UMPS: variants seen among roughly 807,000 people sequenced by gnomAD.
UMPS encodes uridine 5'-monophosphate synthase.
In UMPS, 21 loss-of-function variants were observed where a neutral mutation model predicts 38.9. The ratio of observed to expected loss-of-function variants is 0.54; its 90% CI spans 0.38 to 0.78. UMPS has a LOEUF of 0.78. Ranked by LOEUF, UMPS falls within the 30% of genes least tolerant of loss-of-function variation. The pLI is 0.00. For synonymous variants in UMPS, 208 were observed against 219.3 expected (o/e 0.95, Z 0.45); for missense variants, 533 against 591.6 (o/e 0.90, Z 1.03).
rs1175040508 is a variant in UMPS at position 124,746,773 on chromosome 3, G to GTGTGTGTGTA, written c.*2698_*2699insATGTGTGTGT. The GTGTGTGTGTA allele has an allele frequency of 9.8e-6, 4 of 407,252 alleles. No individual in the cohort carries two copies. Among genetic ancestry groups the GTGTGTGTGTA allele is most frequent in the Non-Finnish European group, 2.0e-5 (4 of 204,924 alleles). 25.2% of individuals were successfully genotyped at this position (407,252 alleles called of 1,614,324 possible). A position where few individuals can be genotyped will look rare whatever the true frequency, so the allele number is the denominator to read the frequency against. ...CCATAGATTGTGTGTGTGTGTGTGT[G>GTGTGTGTGTA]TGTGTGTGTGTGTGTGTGTGTGTGC... On this transcript the variant is annotated 3_prime_UTR_variant, in exon 6 of 6. Transcript: ENST00000232607.
chr3:124,742,380 G>A, intron 5 of UMPS, 114 bp downstream of exon 5: 1 of 782,436 alleles, frequency 1.3e-6, no homozygotes, highest in Admixed American at 2.0e-5. Flanking sequence ...TCTTAGTCTA[G>A]AACAATAATG....
chr3:124,744,498 T>C lies in UMPS; in HGVS notation c.*414T>C, dbSNP rs1179446801. 2.2e-6 allele frequency: 1 copy of C among 454,132 alleles called. No individual in the cohort carries two copies. The highest frequency in any genetic ancestry group is 1.6e-5 in the South Asian group (1 of 64,494). 28.1% of individuals were successfully genotyped at this position (454,132 alleles called of 1,614,324 possible). On this transcript the variant is annotated 3_prime_UTR_variant, in exon 6 of 6. Transcript: ENST00000232607. ...GGTGAGATCACGGCTCATTGCAGCC[T>C]CGACCTCCCAGGTGATCCTCCCACC...
At position 124,743,337 on chromosome 3, in the gene UMPS, A is replaced by AAAAT. The variant is rs369579956; in HGVS notation, c.1274-564_1274-561dup. Among the ~76,000 whole-genome samples, 6 of 144,770 alleles carry AAAAT rather than the reference A, an allele frequency of 4.1e-5. No individual in the cohort carries two copies. In the South Asian group the frequency reaches 1.1e-3, roughly 27 times the overall value. 95.0% of individuals were successfully genotyped at this position (144,770 alleles called of 152,430 possible). A position where few individuals can be genotyped will look rare whatever the true frequency, so the allele number is the denominator to read the frequency against. On this transcript the variant is annotated intron_variant, in intron 5 of 5. Transcript: ENST00000232607. ...TGACAGAGCAAGACTCTGTCTCAAA[A>AAAAT]AAATAAATAAATAAATAGGGCGGGG...
rs1271460284 is a variant in UMPS at position 124,748,597 on chromosome 3, G to T, written c.*4513G>T. On this transcript the variant is annotated 3_prime_UTR_variant, in exon 6 of 6. Transcript: ENST00000232607. ...TCCTCAGAGTCAGATCCTGGTGTGG[G>T]CTCTCACGTGCTGCTGCTGAATCCC... The T allele has an allele frequency of 6.6e-6, 3 of 453,970 alleles. No individual in the cohort carries two copies. Among genetic ancestry groups the T allele is most frequent in the Non-Finnish European group, 1.3e-5 (3 of 226,788 alleles). 28.1% of individuals were successfully genotyped at this position (453,970 alleles called of 1,614,324 possible).
rs1415445506 is a variant in UMPS at position 124,745,139 on chromosome 3, A to G, written c.*1055A>G. 1 of 454,082 alleles carries G rather than the reference A, an allele frequency of 2.2e-6. No individual in the cohort carries two copies. The highest frequency in any genetic ancestry group is 2.0e-5 in the African/African-American group (1 of 50,098). 28.1% of individuals were successfully genotyped at this position (454,082 alleles called of 1,614,324 possible). A position where few individuals can be genotyped will look rare whatever the true frequency, so the allele number is the denominator to read the frequency against. On this transcript the variant is annotated 3_prime_UTR_variant, in exon 6 of 6. Transcript: ENST00000232607. ...ATCCCACATAATTGTCCCAACGGTC[A>G]TTAGTAGAGGGGAGGTAAGCCTTCA... is the stretch of plus-strand genomic sequence containing the variant.
chr3:124,748,545 T>C lies in UMPS; in HGVS notation c.*4461T>C. On this transcript the variant is annotated 3_prime_UTR_variant, in exon 6 of 6. Transcript: ENST00000232607. Reference sequence around the variant, plus strand: ...CTTTCCTTCCCACCAAGGGGGAAAGTCTTCCTCTAGACAAGAGGCAGAGGG... The same window carrying C: ...CTTTCCTTCCCACCAAGGGGGAAAGCCTTCCTCTAGACAAGAGGCAGAGGG... 2.2e-6 allele frequency: 1 copy of C among 454,102 alleles called. No individual in the cohort carries two copies. The highest frequency in any genetic ancestry group is 1.6e-5 in the South Asian group (1 of 64,468). The allele number at this position is 454,102 out of a possible 1,614,324, so 28.1% of individuals were successfully genotyped here.
intron 4 of UMPS, among the ~76,000 whole-genome samples, chr3:124,740,796 A>G (rs1344582744): frequency 6.6e-6 from 1 of 152,104 alleles, no homozygotes; most frequent in Non-Finnish European, 1.5e-5. Flanking sequence ...AAAATGAAAA[A>G]GAAAATAACC....
At chr3:124,731,563 G>A in intron 1 of UMPS, 1 of 421,494 alleles carries the variant, frequency 2.4e-6, no homozygotes, top group Admixed American at 2.6e-5. Flanking sequence ...ATAGCTCACT[G>A]CAGCCTGGAA....
At chr3:124,731,473 CTT>C (rs1265563779) in intron 1 of UMPS, 1 of 434,080 alleles carries the variant, frequency 2.3e-6, no homozygotes, top group East Asian at 7.3e-5. Flanking sequence ...TAATCAATCG[CTT>C]GTGTTATTAT....
rs1256311453 is a variant in UMPS, at chr3:124,737,505, C to CGTAT, written c.311-62_311-59dup. Reference sequence around the variant, plus strand: ...AAGTTTTGTATACAGAGTGTGTGTACGTATATACGCACATATACATACATA... The same window carrying CGTAT: ...AAGTTTTGTATACAGAGTGTGTGTACGTATGTATATACGCACATATACATACATA... On this transcript the variant is annotated intron_variant, in intron 2 of 5. Transcript: ENST00000232607. The CGTAT allele has an allele frequency of 8.3e-6, 12 of 1,448,306 alleles. No homozygotes were observed. In the East Asian group the frequency reaches 2.5e-4, roughly 30 times the overall value. The allele number at this position is 1,448,306 out of a possible 1,614,324, so 89.7% of individuals were successfully genotyped here.
intron 2 of UMPS, 96 bp downstream of exon 2, chr3:124,735,342 A>G (rs2063510448): frequency 2.5e-6 from 3 of 1,178,510 alleles, no homozygotes; most frequent in African/African-American, 3.1e-5. Flanking sequence ...TTTACCAGTC[A>G]TCTTGAGTTC....
Position 124,746,657 on chromosome 3 carries a change from G to A in UMPS, c.*2573G>A, listed in dbSNP as rs1213506666. 4.4e-6 allele frequency: 2 copies of A among 454,026 alleles called. No individual in the cohort carries two copies. Among genetic ancestry groups the A allele is most frequent in the Admixed American group, 4.7e-5 (2 of 42,574 alleles). The allele number at this position is 454,026 out of a possible 1,614,324, so 28.1% of individuals were successfully genotyped here. ...GAATATAGGGACCCCATGTCTCCAT[G>A]GGGTGCACAGAATGTCTGTGAGACT... On this transcript the variant is annotated 3_prime_UTR_variant, in exon 6 of 6. Coordinates refer to ENST00000232607, the MANE Select transcript of UMPS (RefSeq NM_000373.4).
At position 124,745,596 on chromosome 3, in the gene UMPS, A is replaced by G. The variant is rs986253114; in HGVS notation, c.*1512A>G. 1 of 453,936 alleles carries G rather than the reference A, an allele frequency of 2.2e-6. No individual in the cohort carries two copies. The highest frequency in any genetic ancestry group is 4.4e-6 in the Non-Finnish European group (1 of 226,780). The allele number at this position is 453,936 out of a possible 1,614,324, so 28.1% of individuals were successfully genotyped here. On this transcript the variant is annotated 3_prime_UTR_variant, in exon 6 of 6. Transcript: ENST00000232607. ...TGCTCTAAAGTCCAATTTGGGCTTCATGTCCCCAGTGCTGCATCTCCAGGG... is the reference window on the plus strand; with the variant it reads ...TGCTCTAAAGTCCAATTTGGGCTTCGTGTCCCCAGTGCTGCATCTCCAGGG...
Position 124,746,232 on chromosome 3 carries a change from G to A in UMPS, c.*2148G>A, listed in dbSNP as rs1362069771. On this transcript the variant is annotated 3_prime_UTR_variant, in exon 6 of 6. Coordinates refer to ENST00000232607, the MANE Select transcript of UMPS (RefSeq NM_000373.4). ...CTGCTAAGGTGATTTGAGGGGAAATGAGAGGAGGCTCAAATAATCACCCAG... is the reference window on the plus strand; with the variant it reads ...CTGCTAAGGTGATTTGAGGGGAAATAAGAGGAGGCTCAAATAATCACCCAG... 1.5e-5 allele frequency: 7 copies of A among 454,132 alleles called. No individual in the cohort carries two copies. Among genetic ancestry groups the A allele is most frequent in the Non-Finnish European group, 1.8e-5 (4 of 226,800 alleles). 28.1% of individuals were successfully genotyped at this position (454,132 alleles called of 1,614,324 possible).
chr3:124,739,253 T>G (rs1559905791), intron 3 of UMPS, among the ~76,000 whole-genome samples: 1 of 152,184 alleles, frequency 6.6e-6, no homozygotes, highest in Non-Finnish European at 1.5e-5. Context: ...AAGGAACACG[T>G]AGAAATATTG....
At position 124,742,235 on chromosome 3, in the gene UMPS, C is replaced by G; in HGVS notation, c.1242C>G (p.His414Gln). ...SRVSMKPEFL[H>Q]LTPGVQLEAG... ...TAAGCATGAAACCAGAATTTCTTCACTTGACTCCAGGAGTTCAGTTGGAAG... is the reference window on the plus strand; with the variant it reads ...TAAGCATGAAACCAGAATTTCTTCAGTTGACTCCAGGAGTTCAGTTGGAAG... Residue 414 changes from histidine (H) to glutamine (Q), a missense_variant, in exon 5 of 6, where the codon CAC (histidine) becomes CAG (glutamine). By Grantham distance (24) the His-to-Gln change is conservative (BLOSUM62 0). Transcript: ENST00000232607. The G allele has an allele frequency of 1.2e-6, 2 of 1,614,096 alleles. No individual in the cohort carries two copies. Among genetic ancestry groups the G allele is most frequent in the Non-Finnish European group, 1.7e-6 (2 of 1,179,984 alleles).
intron 1 of UMPS, chr3:124,731,411 T>C (rs4678146): frequency 0.58 from 168,840 of 292,766 alleles, 50,119 homozygotes; most frequent in Admixed American, 0.7. Context: ...TAGCTGCCTC[T>C]CCCATTATCT....
At chr3:124,739,243 A>C (rs1378263769) in intron 3 of UMPS, among the ~76,000 whole-genome samples, 2 of 152,232 alleles carry the variant, frequency 1.3e-5, no homozygotes, top group African/African-American at 4.8e-5. Flanking sequence ...AAGGAGATCT[A>C]AGGAACACGT....
chr3:124,736,154 A>G (rs553886257), intron 2 of UMPS, among the ~76,000 whole-genome samples: 4 of 150,546 alleles, frequency 2.7e-5, no homozygotes, highest in South Asian at 2.1e-4. Flanking sequence ...TCACAGTTAC[A>G]TGGGAGGCTG....
Sources: gnomAD v4.1 joint callset for allele counts (sites outside exome capture counted in the v4.1 genomes callset) on GRCh38, gnomAD v4.1.1 for gene constraint, MANE v1.5 for transcripts, NCBI Gene and HGNC (gene_info 2026-07-23, HGNC 2026-07-21) for gene names.